CAMK2G: variants seen among roughly 807,000 people sequenced by gnomAD.
CAMK2G encodes calcium/calmodulin-dependent protein kinase type II subunit gamma.
A neutral mutation model predicts 88.7 loss-of-function variants in CAMK2G; 23 were observed. The observed-to-expected ratio is 0.26, with a 90% confidence interval of 0.19 to 0.37. The LOEUF is 0.37. Among genes scored for constraint, CAMK2G ranks in the 10% least tolerant of loss-of-function variants. CAMK2G has a pLI of 1.00. For synonymous variants in CAMK2G, 263 were observed against 294.8 expected (o/e 0.89, Z 1.11); for missense variants, 476 against 780.8 (o/e 0.61, Z 4.65).
chr10:73,849,264 C>T lies in CAMK2G; in HGVS notation c.411G>A (p.Leu137=), dbSNP rs1316697566. The change falls in exon 6 of 23, where the codon CTG becomes CTA. Residue 137 remains leucine (L), a synonymous_variant. Transcript: ENST00000423381. The part of the protein sequence containing the change: ...IHQHDIVHRD[L]KPENLLLASK... The stretch of plus-strand genomic sequence containing the variant: ...CGGAGGGGAGCCTGGGTAGTACCTT[C>T]AGGTCCCTGTGGACGATGTCATGCT... 6.2e-7 allele frequency: 1 copy of T among 1,612,710 alleles called. No individual in the cohort carries two copies. Among genetic ancestry groups the T allele is most frequent in the African/African-American group, 1.3e-5 (1 of 74,892 alleles).
intron 2 of CAMK2G, among the ~76,000 whole-genome samples, chr10:73,862,158 T>C (rs1285157782): frequency 6.6e-6 from 1 of 152,094 alleles, no homozygotes; most frequent in Non-Finnish European, 1.5e-5. Context: ...GAGAGGATGC[T>C]ACTCACAGCA....
At chr10:73,825,200 AG>A (rs1437834997) in intron 16 of CAMK2G, 78 bp downstream of exon 16, 17 of 993,428 alleles carry the variant, frequency 1.7e-5, no homozygotes, top group Non-Finnish European at 2.8e-5. Context: ...GAGGCCAGGG[AG>A]GGGGCACAAG....
At position 73,816,661 on chromosome 10, in the gene CAMK2G, G is replaced by A. The variant is rs139408108; in HGVS notation, c.1534+362C>T. ...TTTTTAGTAGAGATGGGGTTTCACCGTGTTAGCCAGGATGGCCTCGATCTC... is the reference window on the plus strand; with the variant it reads ...TTTTTAGTAGAGATGGGGTTTCACCATGTTAGCCAGGATGGCCTCGATCTC... On this transcript the variant is annotated intron_variant, in intron 21 of 22. Transcript: ENST00000423381. 3,046 of 812,104 alleles carry A rather than the reference G, an allele frequency of 3.8e-3. 78 individuals carry two copies. The African/African-American group carries it at 0.049, about 13-fold the overall frequency. The allele number at this position is 812,104 out of a possible 1,614,324, so 50.3% of individuals were successfully genotyped here.
In CAMK2G at chr10:73,847,226, C is replaced by G. The variant is rs765261307; in HGVS notation, c.818G>C (p.Cys273Ser). Reference protein sequence around the residue: ...ADQALKHPWVCQRSTVASMMH... With the variant: ...ADQALKHPWVSQRSTVASMMH... ...TTGGCCACTAGCAAAGACACTTACA[C>G]AGACCCACGGGTGCTTGAGAGCCTG... The change falls in exon 10 of 23, where the codon TGT becomes TCT. Residue 273 changes from cysteine (C) to serine (S), a missense_variant and splice_region_variant. Cys to Ser is a moderately radical substitution (Grantham distance 112). Coordinates refer to ENST00000423381, the MANE Select transcript of CAMK2G (RefSeq NM_001367534.1). 6.2e-7 allele frequency: 1 copy of G among 1,614,202 alleles called. No homozygotes were observed.
Position 73,824,053 on chromosome 10 carries a change from G to T in CAMK2G, c.1187C>A (p.Thr396Lys). 1 of 1,613,432 alleles carries T rather than the reference G, an allele frequency of 6.2e-7. No individual in the cohort carries two copies. The change falls in exon 17 of 23, where the codon ACA becomes AAA. Residue 396 changes from threonine (T) to lysine (K), a missense_variant. Physicochemically the swap from Thr to Lys is moderately conservative, Grantham distance 78. Around this residue, in one of 3 missense-constraint regions of CAMK2G, gnomAD observed 278 missense variants for 366.5 expected, o/e 0.76. Transcript: ENST00000423381. Reference protein sequence around the residue: ...EPQTTVVHNATDGIKGSTESC... With the variant: ...EPQTTVVHNAKDGIKGSTESC... ...GGAGCCACTCACCTTGATCCCATCT[G>T]TAGCGTTGTGTACCACAGTGGTTTG...
chr10:73,848,467 C>A lies in CAMK2G; in HGVS notation c.601+59G>T. ...AGGAATAGCGATGCCTCTTTCTTGC[C>A]ATCATCGGAAGTTGAGGGCCCTTAA... On this transcript the variant is annotated intron_variant, in intron 8 of 22. Transcript: ENST00000423381. This position sits in a 1 kb window ranked among gnomAD's most constrained non-coding sequence, Gnocchi z 4.5. 9.3e-7 allele frequency: 1 copy of A among 1,080,062 alleles called. No individual in the cohort carries two copies. Among genetic ancestry groups the A allele is most frequent in the South Asian group, 1.3e-5 (1 of 77,974 alleles). 66.9% of individuals were successfully genotyped at this position (1,080,062 alleles called of 1,614,324 possible).
intron 14 of CAMK2G, among the ~76,000 whole-genome samples, chr10:73,832,313 T>C (rs2092577924): frequency 6.6e-6 from 1 of 152,096 alleles, no homozygotes; most frequent in Non-Finnish European, 1.5e-5. Context: ...GTACTCCTTT[T>C]TTTTTTTATT....
chr10:73,816,968 A>G, intron 21 of CAMK2G, 55 bp downstream of exon 21: 1 of 1,613,814 alleles, frequency 6.2e-7, no homozygotes. Flanking sequence ...CAGGAGACAG[A>G]GACAAAGGGG....
intron 21 of CAMK2G, 83 bp downstream of exon 21, chr10:73,816,940 C>G: frequency 6.2e-7 from 1 of 1,612,948 alleles, no homozygotes; most frequent in Non-Finnish European, 8.5e-7. Flanking sequence ...AAGTGGGCAA[C>G]TGGGATGAGA....
intron 18 of CAMK2G, among the ~76,000 whole-genome samples, chr10:73,820,998 C>T (rs1485330381): frequency 4.0e-5 from 6 of 150,840 alleles, no homozygotes; most frequent in Middle Eastern, 3.4e-3. Flanking sequence ...TTAGTAGAGA[C>T]GGGGTTTCAT....
intron 3 of CAMK2G, among the ~76,000 whole-genome samples, chr10:73,855,741 C>T (rs1258466139): frequency 6.6e-6 from 1 of 152,216 alleles, no homozygotes; most frequent in Non-Finnish European, 1.5e-5. Context: ...CCTTCTAGGC[C>T]ACCCAGCAGA....
chr10:73,821,424 C>T (rs1371837050), intron 18 of CAMK2G, among the ~76,000 whole-genome samples: 1 of 152,172 alleles, frequency 6.6e-6, no homozygotes, highest in East Asian at 1.9e-4. Context: ...GTTCTCTGAG[C>T]CCTGGCCCCT....
chr10:73,825,046 C>A (rs561286417), intron 16 of CAMK2G, among the ~76,000 whole-genome samples: 102 of 152,344 alleles, frequency 6.7e-4, no homozygotes, highest in Non-Finnish European at 1.2e-3. Flanking sequence ...CTCTTCCCCC[C>A]ACCAGCGAAA....
intron 17 of CAMK2G, among the ~76,000 whole-genome samples, chr10:73,823,072 G>A (rs1011310072): frequency 6.6e-6 from 1 of 152,098 alleles, no homozygotes; most frequent in Non-Finnish European, 1.5e-5. Flanking sequence ...ATGTTGGCCA[G>A]GCTGGTTTTG....
At chr10:73,816,765 A>C (rs1457635493) in intron 21 of CAMK2G, 35 of 1,454,562 alleles carry the variant, frequency 2.4e-5, no homozygotes, top group Non-Finnish European at 3.2e-5. Context: ...GGCAAGAAAT[A>C]AGTGAGCTTG....
intron 14 of CAMK2G, 42 bp downstream of exon 14, chr10:73,837,426 G>A: frequency 1.3e-6 from 2 of 1,531,156 alleles, no homozygotes; most frequent in Non-Finnish European, 1.8e-6. Context: ...AGTGACTGCG[G>A]GGAGAAAGAG....
At chr10:73,840,886 A>C (rs2093721865) in intron 12 of CAMK2G, among the ~76,000 whole-genome samples, 1 of 152,202 alleles carries the variant, frequency 6.6e-6, no homozygotes, top group Non-Finnish European at 1.5e-5. Flanking sequence ...AAAGCACAAG[A>C]AGCAAGTGTG....
intron 18 of CAMK2G, among the ~76,000 whole-genome samples, chr10:73,820,464 TTA>T (rs71483976): frequency 0.01 from 743 of 73,952 alleles, 15 homozygotes; most frequent in South Asian, 0.017. Context: ...GGTTTTATAT[TTA>T]TATATATATA....
chr10:73,828,204 C>CACTGGTGCGCTAA, intron 14 of CAMK2G, 83 bp from the exon 15 acceptor site: 1 of 1,120,520 alleles, frequency 8.9e-7, no homozygotes, highest in Non-Finnish European at 1.4e-6. Context: ...GGTTAGCGCA[C>CACTGGTGCGCTAA]CAGTGTGGGC....
Sources: gnomAD v4.1 joint callset for allele counts (sites outside exome capture counted in the v4.1 genomes callset) on GRCh38, gnomAD v4.1.1 for gene constraint, gnomAD v4.1.1 regional missense constraint, Gnocchi (gnomAD v3.1) non-coding constraint, MANE v1.5 for transcripts, NCBI Gene and HGNC (gene_info 2026-07-23, HGNC 2026-07-21) for gene names.